SCCPDH: variants seen among roughly 807,000 people sequenced by gnomAD.
SCCPDH encodes saccharopine dehydrogenase-like oxidoreductase.
SCCPDH carries 34 observed loss-of-function variants against 51.5 expected under a neutral mutation model. That is an observed-to-expected ratio of 0.66 (90% CI 0.50 to 0.88). The LOEUF (loss-of-function observed/expected upper bound fraction) is 0.88. Among genes scored for constraint, SCCPDH ranks in the 40% least tolerant of loss-of-function variants. The pLI, the probability that SCCPDH is intolerant of heterozygous loss-of-function variation, is 0.00. For synonymous variants in SCCPDH, 187 were observed against 191.3 expected (o/e 0.98, Z 0.19); for missense variants, 464 against 527.1 (o/e 0.88, Z 1.17).
At chr1:246,741,236 C>A (rs57538659) in intron 4 of SCCPDH, among the ~76,000 whole-genome samples, 7,819 of 152,178 alleles carry the variant, frequency 0.051, 264 homozygotes, top group African/African-American at 0.077. Context: ...CAAAGTCCAA[C>A]AAAGATAGCA....
At chr1:246,727,423 T>G (rs538436204) in intron 2 of SCCPDH, among the ~76,000 whole-genome samples, 1 of 152,358 alleles carries the variant, frequency 6.6e-6, no homozygotes, top group South Asian at 2.1e-4. Context: ...TGAATAAATA[T>G]TTATTGATGC....
At position 246,739,469 on chromosome 1, in the gene SCCPDH, G is replaced by A. The variant is rs369372499; in HGVS notation, c.385-703G>A. Among the ~76,000 whole-genome samples the A allele has an allele frequency of 5.8e-4, 88 of 152,268 alleles. 1 individual carries two copies. The highest frequency in any genetic ancestry group is 2.0e-3 in the African/African-American group (85 of 41,560). On this transcript the variant is annotated intron_variant, in intron 3 of 11. Transcript: ENST00000366510. Reference sequence around the variant, plus strand: ...ACCGTCGCAGCCAAAAGAAGCCGAAGGAGACGTAACAACCGAATGTAATCC... The same window carrying A: ...ACCGTCGCAGCCAAAAGAAGCCGAAAGAGACGTAACAACCGAATGTAATCC...
At chr1:246,766,258 G>T (rs1669086150) in intron 11 of SCCPDH, 119 bp downstream of exon 11, 1 of 697,578 alleles carries the variant, frequency 1.4e-6, no homozygotes, top group Admixed American at 2.7e-5. Flanking sequence ...CAGTTCCTTT[G>T]CTTCAAAAAT....
At chr1:246,760,984 A>G (rs575676994) in intron 9 of SCCPDH, among the ~76,000 whole-genome samples, 2 of 152,224 alleles carry the variant, frequency 1.3e-5, no homozygotes, top group Non-Finnish European at 2.9e-5. Context: ...AATAATTGAG[A>G]GCACTGTTTT....
chr1:246,746,280 G>T (rs1668760983), intron 5 of SCCPDH, among the ~76,000 whole-genome samples: 2 of 152,028 alleles, frequency 1.3e-5, no homozygotes, highest in South Asian at 4.1e-4. Flanking sequence ...GAGCAAGCAG[G>T]GGGTACATAA....
At chr1:246,736,484 G>C (rs1238291918) in intron 3 of SCCPDH, among the ~76,000 whole-genome samples, 1 of 152,122 alleles carries the variant, frequency 6.6e-6, no homozygotes, top group Non-Finnish European at 1.5e-5. Flanking sequence ...GGCAGATCAT[G>C]AGGTCAGGAG....
At chr1:246,727,031 A>C (rs1334614999) in intron 2 of SCCPDH, 27 bp downstream of exon 2, 1 of 1,420,386 alleles carries the variant, frequency 7.0e-7, no homozygotes, top group African/African-American at 1.4e-5. Context: ...TCTTTGTATC[A>C]GAACAAACAA....
intron 1 of SCCPDH, among the ~76,000 whole-genome samples, chr1:246,725,161 T>C (rs1316514287): frequency 6.6e-6 from 1 of 152,140 alleles, no homozygotes; most frequent in Non-Finnish European, 1.5e-5. Context: ...GCAGTCTTCC[T>C]CTTCAGAGAA....
At chr1:246,762,337 ATAGTGCAGGCTTCTGTCTCGTGGTTGG>A (rs1669028454) in intron 9 of SCCPDH, among the ~76,000 whole-genome samples, 2 of 152,190 alleles carry the variant, frequency 1.3e-5, no homozygotes, top group African/African-American at 4.8e-5. Flanking sequence ...TACTTTGTGG[ATAGTGCAGGCTTCTGTCTCGTGGTTGG>A]TAGTGCAGGC....
intron 3 of SCCPDH, among the ~76,000 whole-genome samples, chr1:246,736,879 G>T (rs977354677): frequency 6.6e-6 from 1 of 152,048 alleles, no homozygotes; most frequent in Non-Finnish European, 1.5e-5. Context: ...ATACCTATAG[G>T]GTAGTTATCT....
chr1:246,744,147 G>T (rs748630635), intron 5 of SCCPDH, 22 bp downstream of exon 5: 5 of 1,486,762 alleles, frequency 3.4e-6, no homozygotes, highest in African/African-American at 2.8e-5. Flanking sequence ...GGTTTGTCTT[G>T]TGTTGTTTCA....
chr1:246,743,763 A>G (rs886199975), intron 4 of SCCPDH, among the ~76,000 whole-genome samples: 1 of 152,130 alleles, frequency 6.6e-6, no homozygotes, highest in Admixed American at 6.5e-5. Context: ...ATCAGTTTTT[A>G]AATACTAGAA....
intron 9 of SCCPDH, among the ~76,000 whole-genome samples, chr1:246,762,100 A>G (rs182573120): frequency 2.4e-4 from 36 of 152,136 alleles, no homozygotes; most frequent in South Asian, 1.0e-3. Context: ...TGTATTTTTG[A>G]TTTGCATTTA....
intron 4 of SCCPDH, among the ~76,000 whole-genome samples, chr1:246,742,143 C>G (rs376653613): frequency 3.3e-5 from 5 of 152,308 alleles, no homozygotes; most frequent in African/African-American, 9.6e-5. Flanking sequence ...AATGGTGAAA[C>G]ACTAGAACCA....
chr1:246,738,063 G>A (rs1668624366), intron 3 of SCCPDH, among the ~76,000 whole-genome samples: 1 of 152,146 alleles, frequency 6.6e-6, no homozygotes, highest in African/African-American at 2.4e-5. Context: ...AAGCATGGTG[G>A]TGCACGTCTG....
chr1:246,763,160 C>T (rs1410073349), intron 9 of SCCPDH, among the ~76,000 whole-genome samples: 1 of 152,172 alleles, frequency 6.6e-6, no homozygotes, highest in Non-Finnish European at 1.5e-5. Context: ...CCCTGGAGCA[C>T]AAATGGCCGA....
chr1:246,741,087 GA>G (rs1354182608), intron 4 of SCCPDH, among the ~76,000 whole-genome samples: 2 of 151,008 alleles, frequency 1.3e-5, no homozygotes, highest in Non-Finnish European at 3.0e-5. Flanking sequence ...TTGTCTCTTA[GA>G]AAAAAGCAAA....
intron 4 of SCCPDH, among the ~76,000 whole-genome samples, chr1:246,742,315 T>A (rs1444476552): frequency 6.6e-6 from 1 of 152,230 alleles, no homozygotes; most frequent in Non-Finnish European, 1.5e-5. Context: ...GTTCTCTGCT[T>A]TTATTTTGAA....
chr1:246,739,027 G>T (rs563842815), intron 3 of SCCPDH, among the ~76,000 whole-genome samples: 2 of 151,784 alleles, frequency 1.3e-5, no homozygotes, highest in South Asian at 4.2e-4. Context: ...TAATGTGTTT[G>T]TGTGTGCATG....
Sources: gnomAD v4.1 joint callset for allele counts (sites outside exome capture counted in the v4.1 genomes callset) on GRCh38, gnomAD v4.1.1 for gene constraint, MANE v1.5 for transcripts, NCBI Gene and HGNC (gene_info 2026-07-23, HGNC 2026-07-21) for gene names.